NSMCE2: variants seen among roughly 807,000 people sequenced by gnomAD.
NSMCE2 encodes NSE2 SUMO ligase component of SMC5/6 complex, also known as E3 SUMO-protein ligase NSE2.
In NSMCE2, 24 loss-of-function variants were observed where a neutral mutation model predicts 23.8. That is an observed-to-expected ratio of 1.01 (90% CI 0.73 to 1.42). The LOEUF (loss-of-function observed/expected upper bound fraction) is 1.42. NSMCE2 is among the 40% of genes most tolerant of loss of function. The pLI is 0.00. For synonymous variants in NSMCE2, 92 were observed against 94.1 expected (o/e 0.98, Z 0.13); for missense variants, 284 against 296.5 (o/e 0.96, Z 0.31).
At chr8:125,184,866 A>C (rs1823016727) in intron 5 of NSMCE2, among the ~76,000 whole-genome samples, 1 of 152,084 alleles carries the variant, frequency 6.6e-6, no homozygotes, top group African/African-American at 2.4e-5. Context: ...CTGTTTTGAG[A>C]TATGTTCTGG....
chr8:125,245,614 A>T (rs1231944679), intron 5 of NSMCE2, among the ~76,000 whole-genome samples: 1 of 152,190 alleles, frequency 6.6e-6, no homozygotes, highest in Non-Finnish European at 1.5e-5. Context: ...TAAAAAAAAT[A>T]CTAAGGATAG....
At chr8:125,269,619 C>T (rs1016726433) in intron 5 of NSMCE2, among the ~76,000 whole-genome samples, 3 of 152,206 alleles carry the variant, frequency 2.0e-5, no homozygotes, top group Admixed American at 2.0e-4. Context: ...TAGCTTTCTA[C>T]AAGATCATTA....
intron 5 of NSMCE2, among the ~76,000 whole-genome samples, chr8:125,185,268 C>CA (rs1482756366): frequency 6.6e-6 from 1 of 151,978 alleles, no homozygotes; most frequent in African/African-American, 2.4e-5. Context: ...AGCTGGTTCT[C>CA]AAAGTTTTTG....
intron 5 of NSMCE2, among the ~76,000 whole-genome samples, chr8:125,194,810 ATTC>A (rs1215513448): frequency 6.6e-6 from 1 of 152,160 alleles, no homozygotes; most frequent in East Asian, 1.9e-4. Flanking sequence ...TTTGTTTTTC[ATTC>A]TGCTATTCTA....
chr8:125,183,416 T>G (rs576693903), intron 5 of NSMCE2, among the ~76,000 whole-genome samples: 50 of 152,274 alleles, frequency 3.3e-4, no homozygotes, highest in Non-Finnish European at 6.2e-4. Flanking sequence ...TTGTTCTTTT[T>G]TTTAACATCA....
intron 5 of NSMCE2, among the ~76,000 whole-genome samples, chr8:125,194,405 C>T (rs553201438): frequency 2.4e-4 from 37 of 152,246 alleles, no homozygotes; most frequent in Non-Finnish European, 4.0e-4. Context: ...CATTCATTAA[C>T]AGTATTGCTA....
At chr8:125,129,070 TAAAC>T (rs1819636925) in intron 3 of NSMCE2, among the ~76,000 whole-genome samples, 1 of 152,110 alleles carries the variant, frequency 6.6e-6, no homozygotes, top group African/African-American at 2.4e-5. Context: ...GGATGACAAA[TAAAC>T]AGTTGGTTTT....
At chr8:125,165,125 G>C (rs1821810190) in intron 4 of NSMCE2, among the ~76,000 whole-genome samples, 1 of 152,130 alleles carries the variant, frequency 6.6e-6, no homozygotes, top group African/African-American at 2.4e-5. Flanking sequence ...TGTGACACTG[G>C]GTTAGTGACT....
intron 5 of NSMCE2, among the ~76,000 whole-genome samples, chr8:125,216,633 T>TC (rs1297894841): frequency 4.1e-5 from 5 of 122,802 alleles, no homozygotes; most frequent in Non-Finnish European, 8.4e-5. Context: ...AGGCTGTGTG[T>TC]CAAAAAAAAA....
At chr8:125,199,685 A>G (rs577526392) in intron 5 of NSMCE2, among the ~76,000 whole-genome samples, 83 of 152,258 alleles carry the variant, frequency 5.5e-4, no homozygotes, top group African/African-American at 2.0e-3. Context: ...GTAGATGTCT[A>G]TTAGGTCTGC....
intron 5 of NSMCE2, among the ~76,000 whole-genome samples, chr8:125,232,446 T>C (rs1825364881): frequency 6.6e-6 from 1 of 152,202 alleles, no homozygotes; most frequent in Non-Finnish European, 1.5e-5. Context: ...GTTTTTGTTA[T>C]TGTTGAGCAA....
chr8:125,163,001 G>A (rs1821700700), intron 4 of NSMCE2, among the ~76,000 whole-genome samples: 1 of 152,046 alleles, frequency 6.6e-6, no homozygotes, highest in Admixed American at 6.6e-5. Context: ...CTTTGTCACT[G>A]AGTCACTTTA....
chr8:125,361,025 A>G (rs1193399327), intron 7 of NSMCE2, among the ~76,000 whole-genome samples: 3 of 151,988 alleles, frequency 2.0e-5, no homozygotes, highest in Non-Finnish European at 2.9e-5. Context: ...GTTAACAATA[A>G]GCCTATTTAT....
intron 3 of NSMCE2, among the ~76,000 whole-genome samples, chr8:125,136,084 T>C (rs1820054580): frequency 6.6e-6 from 1 of 152,346 alleles, no homozygotes; most frequent in African/African-American, 2.4e-5. Flanking sequence ...GTCCAGTATC[T>C]TATAAACCTT....
intron 5 of NSMCE2, among the ~76,000 whole-genome samples, chr8:125,297,650 G>A (rs1310669962): frequency 6.6e-6 from 1 of 150,740 alleles, no homozygotes; most frequent in African/African-American, 2.4e-5. Flanking sequence ...AGGCAACAAA[G>A]TGAGACCTTG....
At position 125,344,964 on chromosome 8, in the gene NSMCE2, T is replaced by C. The variant is rs139011621; in HGVS notation, c.419-12255T>C. ...CTTTCAGATATCTATACTTCTCCAA[T>C]GTTTCTCTATTATAAAAACAACAGT... On this transcript the variant is annotated intron_variant, in intron 5 of 7. Transcript: ENST00000287437. 5.4e-3 allele frequency among the ~76,000 whole-genome samples: 823 copies of C among 151,932 alleles called. 6 individuals carry two copies. Among genetic ancestry groups the C allele is most frequent in the Middle Eastern group, 0.031 (9 of 294 alleles).
At chr8:125,155,138 A>G (rs1212295194) in intron 4 of NSMCE2, among the ~76,000 whole-genome samples, 3 of 152,210 alleles carry the variant, frequency 2.0e-5, no homozygotes, top group Non-Finnish European at 4.4e-5. Flanking sequence ...ATATTTTACA[A>G]ATGTTATTTA....
chr8:125,167,605 A>G (rs1244924301), intron 4 of NSMCE2, among the ~76,000 whole-genome samples: 1 of 152,170 alleles, frequency 6.6e-6, no homozygotes, highest in Non-Finnish European at 1.5e-5. Flanking sequence ...ACTGCACTCC[A>G]GCCTGGCAAC....
intron 5 of NSMCE2, among the ~76,000 whole-genome samples, chr8:125,266,695 C>A (rs1206359425): frequency 6.6e-6 from 1 of 152,060 alleles, no homozygotes. Context: ...ATCCAGTATA[C>A]CTGTTGGGGA....
Sources: allele counts gnomAD v4.1 joint callset (sites outside exome capture counted in the v4.1 genomes callset), GRCh38; gene constraint gnomAD v4.1.1; transcripts MANE v1.5; gene names NCBI Gene and HGNC (gene_info 2026-07-23, HGNC 2026-07-21).